The following NDRG3 variants were observed in gnomAD, a reference collection of about 807,000 sequenced individuals.
NDRG3 encodes the protein protein NDRG3.
A neutral mutation model predicts 57.2 loss-of-function variants in NDRG3; 23 were observed. The observed-to-expected ratio is 0.40, with a 90% CI of 0.29 to 0.57. The LOEUF (loss-of-function observed/expected upper bound fraction) is 0.57. NDRG3 is among the 20% of genes least tolerant of loss of function. The pLI, the probability that NDRG3 is intolerant of heterozygous loss-of-function variation, is 0.42. For missense variants in NDRG3, 384 were observed against 457.3 expected (o/e 0.84, Z 1.46); for synonymous variants, 132 against 162.6 (o/e 0.81, Z 1.43).
chr20:36,687,630 C>A lies in NDRG3; in HGVS notation c.200-18G>T. On this transcript the variant is annotated intron_variant, in intron 4 of 15. Transcript: ENST00000349004. ...GGATTTATCTATAAGAATAAAAATACCCATAAGTCACAGGCTCTCCATATC... is the reference window on the plus strand; with the variant it reads ...GGATTTATCTATAAGAATAAAAATAACCATAAGTCACAGGCTCTCCATATC... 2 of 1,609,612 alleles carry A rather than the reference C, an allele frequency of 1.2e-6. No homozygotes were observed. The highest frequency in any genetic ancestry group is 1.7e-6 in the Non-Finnish European group (2 of 1,177,500).
intron 2 of NDRG3, among the ~76,000 whole-genome samples, chr20:36,719,490 G>GA (rs913807445): frequency 1.3e-5 from 2 of 148,658 alleles, no homozygotes; most frequent in African/African-American, 4.9e-5. Context: ...AAAGATAAAA[G>GA]AAGGGGTGGG....
At chr20:36,718,380 G>C (rs1984395982) in intron 2 of NDRG3, among the ~76,000 whole-genome samples, 1 of 152,184 alleles carries the variant, frequency 6.6e-6, no homozygotes, top group Non-Finnish European at 1.5e-5. Context: ...GAGTAAGGTG[G>C]AATGTGGGAA....
intron 2 of NDRG3, among the ~76,000 whole-genome samples, chr20:36,716,257 G>A (rs1984266956): frequency 6.6e-6 from 1 of 151,846 alleles, no homozygotes; most frequent in Non-Finnish European, 1.5e-5. Flanking sequence ...TTTCAGGTGG[G>A]TGCGGTGGCT....
chr20:36,698,720 T>C (rs1037376310), intron 3 of NDRG3, among the ~76,000 whole-genome samples: 1 of 151,952 alleles, frequency 6.6e-6, no homozygotes, highest in African/African-American at 2.4e-5. Flanking sequence ...CAAATATTCA[T>C]CAATGGGGAA....
intron 3 of NDRG3, among the ~76,000 whole-genome samples, chr20:36,691,622 A>C (rs987269732): frequency 1.3e-5 from 2 of 152,210 alleles, no homozygotes; most frequent in African/African-American, 4.8e-5. Context: ...GTGAGGCAGA[A>C]GAATTGCTTG....
At chr20:36,660,263 A>C in intron 13 of NDRG3, 74 bp downstream of exon 13, 1 of 1,192,312 alleles carries the variant, frequency 8.4e-7, no homozygotes, top group Non-Finnish European at 1.2e-6. Flanking sequence ...CTCCTTTCTA[A>C]GCAATTATTC....
At chr20:36,727,935 G>C (rs1270149032) in intron 1 of NDRG3, among the ~76,000 whole-genome samples, 1 of 152,156 alleles carries the variant, frequency 6.6e-6, no homozygotes, top group Non-Finnish European at 1.5e-5. Context: ...GCGGTAGCAT[G>C]CAACTATAGT....
chr20:36,697,882 G>GA (rs1982927790), intron 3 of NDRG3, among the ~76,000 whole-genome samples: 1 of 150,656 alleles, frequency 6.6e-6, no homozygotes, highest in Non-Finnish European at 1.5e-5. Context: ...TCTACATATA[G>GA]TTTATACAAT....
chr20:36,691,479 C>T (rs1374382564), intron 3 of NDRG3, among the ~76,000 whole-genome samples: 1 of 152,038 alleles, frequency 6.6e-6, no homozygotes, highest in African/African-American at 2.4e-5. Flanking sequence ...TTTGGGAGGC[C>T]GAGGCAGGCA....
At position 36,721,749 on chromosome 20, in the gene NDRG3, G is replaced by A; in HGVS notation, c.-14C>T. The A allele has an allele frequency of 2.5e-6, 4 of 1,582,308 alleles. No individual in the cohort carries two copies. Among genetic ancestry groups the A allele is most frequent in the Middle Eastern group, 3.3e-4 (2 of 5,980 alleles). ...AAGTTCATCCATGAGGTCAGATAAC[G>A]AGAGTAGAGGAATCTCAAGAATAAA... On this transcript the variant is annotated 5_prime_UTR_variant, in exon 2 of 16. Coordinates refer to ENST00000349004, the MANE Select transcript of NDRG3 (RefSeq NM_032013.4).
intron 15 of NDRG3, among the ~76,000 whole-genome samples, chr20:36,655,541 G>A (rs1978581577): frequency 6.6e-6 from 1 of 152,186 alleles, no homozygotes; most frequent in Non-Finnish European, 1.5e-5. Context: ...CTCCAAGTTC[G>A]TCCCCTGGGG....
At position 36,741,820 on chromosome 20, in the gene NDRG3, T is replaced by C. The variant is rs1985941896; in HGVS notation, c.-49+4225A>G. ...AAATTCTCGGATTCCACTCCAGAACTAATGAATCAGAAACTCTGAAGGTCG... is the reference window on the plus strand; with the variant it reads ...AAATTCTCGGATTCCACTCCAGAACCAATGAATCAGAAACTCTGAAGGTCG... On this transcript the variant is annotated intron_variant, in intron 1 of 15. Coordinates refer to ENST00000349004, the MANE Select transcript of NDRG3 (RefSeq NM_032013.4). 3.3e-5 allele frequency among the ~76,000 whole-genome samples: 5 copies of C among 152,182 alleles called. No homozygotes were observed. In the South Asian group the frequency reaches 1.0e-3, roughly 31 times the overall value.
chr20:36,719,301 C>G lies in NDRG3; in HGVS notation c.57+2378G>C, dbSNP rs1275325413. On this transcript the variant is annotated intron_variant, in intron 2 of 15. Transcript: ENST00000349004. ...AATTAGCTGGGCATGGTGTTGCACA[C>G]CTGTAGTCCCAGCTACTTGGGAGGC... Among the ~76,000 whole-genome samples, 3 of 151,904 alleles carry G rather than the reference C, an allele frequency of 2.0e-5. No individual in the cohort carries two copies. The East Asian group carries it at 5.8e-4, about 29-fold the overall frequency.
At chr20:36,713,435 A>G (rs1214952184) in intron 2 of NDRG3, among the ~76,000 whole-genome samples, 2 of 152,150 alleles carry the variant, frequency 1.3e-5, no homozygotes, top group Non-Finnish European at 2.9e-5. Flanking sequence ...TGAATTATGA[A>G]AAAAAAGGGG....
At position 36,746,028 on chromosome 20, in the gene NDRG3, C is replaced by T; in HGVS notation, c.-49+17G>A. On this transcript the variant is annotated intron_variant, in intron 1 of 15. Transcript: ENST00000349004. ...CGCCGCGCGCCCCCCGCGGGCCGGG[C>T]GGAGGCGCTCACTCACCTGAGGCGC... 1 of 325,304 alleles carries T rather than the reference C, an allele frequency of 3.1e-6. No individual in the cohort carries two copies. The highest frequency in any genetic ancestry group is 5.6e-6 in the Non-Finnish European group (1 of 179,268). The allele number at this position is 325,304 out of a possible 1,614,324, so 20.2% of individuals were successfully genotyped here.
intron 7 of NDRG3, 119 bp downstream of exon 7, chr20:36,682,399 G>T: frequency 1.3e-6 from 1 of 750,078 alleles, no homozygotes; most frequent in Non-Finnish European, 2.2e-6. Flanking sequence ...AAAGCTGACA[G>T]AAGTTACAGA....
chr20:36,738,013 G>A (rs1985695708), intron 1 of NDRG3, among the ~76,000 whole-genome samples: 14 of 150,876 alleles, frequency 9.3e-5, no homozygotes. Context: ...GCAGTGAGCT[G>A]AGATTGTGCC....
At chr20:36,706,814 A>C (rs1983573804) in intron 3 of NDRG3, among the ~76,000 whole-genome samples, 158 bp downstream of exon 3, 1 of 152,028 alleles carries the variant, frequency 6.6e-6, no homozygotes, top group Non-Finnish European at 1.5e-5. Context: ...CAACAATTGC[A>C]AATCATTTTA....
intron 3 of NDRG3, among the ~76,000 whole-genome samples, chr20:36,700,930 T>C (rs917939109): frequency 5.3e-5 from 8 of 152,072 alleles, no homozygotes; most frequent in African/African-American, 1.9e-4. Flanking sequence ...CTTGCCATCA[T>C]ACCCAGCTAA....
Sources: gnomAD v4.1 joint callset for allele counts (sites outside exome capture counted in the v4.1 genomes callset) on GRCh38, gnomAD v4.1.1 for gene constraint, MANE v1.5 for transcripts, NCBI Gene and HGNC (gene_info 2026-07-23, HGNC 2026-07-21) for gene names.